Variants in PDE4D observed in about 807,000 individuals in gnomAD.
PDE4D encodes 3',5'-cyclic-AMP phosphodiesterase 4D.
PDE4D carries 24 observed loss-of-function variants against 87.4 expected under a neutral mutation model. The observed-to-expected ratio is 0.27, with a 90% CI of 0.20 to 0.39. PDE4D has a LOEUF of 0.39. Among genes scored for constraint, PDE4D ranks in the 10% least tolerant of loss-of-function variants. The pLI is 1.00. For synonymous variants in PDE4D, 384 were observed against 383.2 expected, an observed-to-expected ratio of 1.00 and a Z score of -0.02; for missense variants, 714 against 1,041.0, an observed-to-expected ratio of 0.69 and a Z score of 4.32.
At chr5:60,012,105 A>G (rs1372694073) in intron 2 of PDE4D, among the ~76,000 whole-genome samples, 2 of 152,178 alleles carry the variant, frequency 1.3e-5, no homozygotes, top group African/African-American at 2.4e-5. Flanking sequence ...AAAAGCTATA[A>G]AAATGAACAA....
At chr5:60,341,295 A>T (rs1758296574) in intron 1 of PDE4D, among the ~76,000 whole-genome samples, 1 of 152,224 alleles carries the variant, frequency 6.6e-6, no homozygotes, top group South Asian at 2.1e-4. Context: ...GAGCCCAGGC[A>T]GGCATCCAGG....
chr5:59,893,328 CG>C lies in PDE4D; in HGVS notation c.294del (p.Ser98ArgfsTer39). On this transcript the variant is annotated frameshift_variant, in exon 1 of 15. Coordinates refer to ENST00000340635, the MANE Select transcript of PDE4D (RefSeq NM_001104631.2). LOFTEE classifies it high-confidence loss of function. ...CGATGCCGGACGCGGCCGGTGGCCC[CG>C]CTCGAGGCGTAGCGGCCGCGGGCAG... The part of the protein sequence containing the change: ...PGAARGRYAS[S>X]GATGRVRHRG... 2 of 1,505,800 alleles carry C rather than the reference CG, an allele frequency of 1.3e-6. No individual in the cohort carries two copies. Among genetic ancestry groups the C allele is most frequent in the Non-Finnish European group, 1.8e-6 (2 of 1,124,698 alleles). The allele number at this position is 1,505,800 out of a possible 1,614,324, so 93.3% of individuals were successfully genotyped here. A position where few individuals can be genotyped will look rare whatever the true frequency, so the allele number is the denominator to read the frequency against.
At chr5:59,942,310 C>G (rs1318223568) in intron 3 of PDE4D, among the ~76,000 whole-genome samples, 1 of 152,224 alleles carries the variant, frequency 6.6e-6, no homozygotes, top group Non-Finnish European at 1.5e-5. Context: ...TCTTCTCTCT[C>G]TGTATTTCTG....
intron 1 of PDE4D, among the ~76,000 whole-genome samples, chr5:59,461,626 T>C (rs1479194070): frequency 6.6e-6 from 1 of 152,208 alleles, no homozygotes; most frequent in African/African-American, 2.4e-5. Context: ...TCATAATTTT[T>C]CCCCAGGAGT....
At chr5:59,806,271 T>C (rs146910887) in intron 1 of PDE4D, among the ~76,000 whole-genome samples, 1,827 of 152,314 alleles carry the variant, frequency 0.012, 13 homozygotes, top group Non-Finnish European at 0.019. Context: ...CCAACTCACC[T>C]TGGAGCAGAG....
intron 1 of PDE4D, among the ~76,000 whole-genome samples, chr5:59,603,288 C>T (rs776970515): frequency 2.6e-5 from 4 of 151,830 alleles, no homozygotes; most frequent in African/African-American, 9.7e-5. Context: ...ATATAAGAAA[C>T]TCAAACAACT....
chr5:60,391,276 C>A (rs1410554648), intron 1 of PDE4D, among the ~76,000 whole-genome samples: 1 of 152,206 alleles, frequency 6.6e-6, no homozygotes, highest in Non-Finnish European at 1.5e-5. Context: ...CCCAGTCACA[C>A]TGTCTGCTCT....
At chr5:58,999,144 C>T (rs1403353174) in intron 6 of PDE4D, among the ~76,000 whole-genome samples, 1 of 152,144 alleles carries the variant, frequency 6.6e-6, no homozygotes, top group African/African-American at 2.4e-5. Context: ...TTATGTGCAA[C>T]ATACTAACTG....
At chr5:59,906,344 C>T (rs983209152) in intron 3 of PDE4D, among the ~76,000 whole-genome samples, 2 of 152,114 alleles carry the variant, frequency 1.3e-5, no homozygotes, top group Admixed American at 6.6e-5. Flanking sequence ...TAGTTAGCTT[C>T]CTAAGCCAGA....
intron 1 of PDE4D, among the ~76,000 whole-genome samples, chr5:59,458,698 G>A (rs898441792): frequency 6.6e-6 from 1 of 152,192 alleles, no homozygotes; most frequent in East Asian, 1.9e-4. Context: ...TTCTGGACCA[G>A]GTAAATCCTC....
intron 1 of PDE4D, among the ~76,000 whole-genome samples, chr5:60,503,066 G>A (rs1561319702): frequency 6.6e-6 from 1 of 152,108 alleles, no homozygotes; most frequent in East Asian, 1.9e-4. Context: ...AGCTACTGAA[G>A]TTGAGTATCA....
At chr5:59,810,730 T>C (rs998128052) in intron 1 of PDE4D, among the ~76,000 whole-genome samples, 3 of 152,354 alleles carry the variant, frequency 2.0e-5, no homozygotes, top group Non-Finnish European at 2.9e-5. Flanking sequence ...CCCTCGTTCC[T>C]ACGTATTCCC....
At chr5:59,160,458 G>A (rs1187454372) in intron 5 of PDE4D, among the ~76,000 whole-genome samples, 1 of 151,574 alleles carries the variant, frequency 6.6e-6, no homozygotes. Flanking sequence ...TCAAAACCTC[G>A]GATTTTTTTT....
At chr5:59,804,265 C>T (rs758327612) in intron 1 of PDE4D, among the ~76,000 whole-genome samples, 1 of 152,202 alleles carries the variant, frequency 6.6e-6, no homozygotes, top group African/African-American at 2.4e-5. Context: ...TAAGTGAAAA[C>T]ATGATATTTG....
chr5:59,476,118 A>G (rs115541733), intron 1 of PDE4D, among the ~76,000 whole-genome samples: 3,749 of 152,170 alleles, frequency 0.025, 73 homozygotes, highest in Non-Finnish European at 0.036. Flanking sequence ...TTTTATGAAG[A>G]AAATAGTGGC....
intron 1 of PDE4D, among the ~76,000 whole-genome samples, chr5:60,192,081 A>C (rs994155246): frequency 6.6e-6 from 1 of 152,174 alleles, no homozygotes; most frequent in Non-Finnish European, 1.5e-5. Context: ...TGTAACATAC[A>C]TTGTACCATT....
chr5:60,510,390 A>G (rs1054645061), intron 1 of PDE4D, among the ~76,000 whole-genome samples: 1 of 152,152 alleles, frequency 6.6e-6, no homozygotes, highest in Non-Finnish European at 1.5e-5. Context: ...TTAGAACACT[A>G]CAACGCCCAC....
intron 1 of PDE4D, among the ~76,000 whole-genome samples, chr5:59,259,545 G>A (rs114809113): frequency 2.8e-3 from 428 of 152,010 alleles, no homozygotes; most frequent in Middle Eastern, 0.02. Flanking sequence ...TATTTATAAA[G>A]CCATACAGAA....
chr5:59,445,567 T>C (rs1156980602), intron 1 of PDE4D, among the ~76,000 whole-genome samples: 1 of 152,206 alleles, frequency 6.6e-6, no homozygotes, highest in East Asian at 1.9e-4. Flanking sequence ...ATAATACCAA[T>C]GATTTAGTCA....
Sources: gnomAD v4.1 joint callset for allele counts (sites outside exome capture counted in the v4.1 genomes callset) on GRCh38, gnomAD v4.1.1 for gene constraint, MANE v1.5 for transcripts, NCBI Gene and HGNC (gene_info 2026-07-23, HGNC 2026-07-21) for gene names.